Variants in PAGE2B observed in about 807,000 individuals in gnomAD.
PAGE2B encodes the protein PAGE family member 2B.
In PAGE2B, 5 loss-of-function variants were observed where a neutral mutation model predicts 7.6. That is an observed-to-expected ratio of 0.66 (90% CI 0.34 to 1.38). The LOEUF is 1.38. Among genes scored for constraint, PAGE2B ranks in the 40% most tolerant of loss-of-function variants. The pLI is 0.04. For synonymous variants in PAGE2B, 29 were observed against 26.7 expected (o/e 1.09, Z -0.27); for missense variants, 70 against 78.4 (o/e 0.89, Z 0.41).
At chrX:55,050,610 A>G in the PAGE2B span, among the ~76,000 whole-genome samples, 1 of 110,797 alleles carries the variant, frequency 9.0e-6, no homozygotes, top group Non-Finnish European at 1.9e-5. Flanking sequence ...AATCTGTTTT[A>G]TCAGAGACTA....
chrX:55,062,553 G>A, the PAGE2B span, among the ~76,000 whole-genome samples: 3 of 111,326 alleles, frequency 2.7e-5, no homozygotes, highest in South Asian at 3.8e-4. Context: ...GTGGGTTGCC[G>A]CTTCACTTTG....
chrX:55,043,134 G>A, the PAGE2B span, among the ~76,000 whole-genome samples: 3 of 111,165 alleles, frequency 2.7e-5, no homozygotes, highest in Admixed American at 9.6e-5. Context: ...AATAATTGGC[G>A]AGCCACATGT....
chrX:55,044,263 G>T, the PAGE2B span, among the ~76,000 whole-genome samples: 1 of 111,399 alleles, frequency 9.0e-6, no homozygotes, highest in Non-Finnish European at 1.9e-5. Flanking sequence ...AGAAAATGTG[G>T]TGTATACACA....
chrX:55,046,104 A>G, the PAGE2B span, among the ~76,000 whole-genome samples: 1 of 110,789 alleles, frequency 9.0e-6, no homozygotes, highest in East Asian at 2.8e-4. Context: ...TTTTATTTTT[A>G]TTTATTTTAT....
At chrX:55,063,825 G>A in the PAGE2B span, among the ~76,000 whole-genome samples, 86 of 110,829 alleles carry the variant, frequency 7.8e-4, no homozygotes, top group African/African-American at 2.6e-3. Flanking sequence ...TATGGTTTTC[G>A]GCCTTCATTC....
chrX:55,055,933 C>T, the PAGE2B span: 1 of 111,206 alleles, frequency 9.0e-6, no homozygotes, highest in East Asian at 2.8e-4. Context: ...TCAGCTTTAC[C>T]TCAAGATAAT....
At chrX:55,053,351 C>T in the PAGE2B span, among the ~76,000 whole-genome samples, 1 of 111,339 alleles carries the variant, frequency 9.0e-6, no homozygotes, top group Admixed American at 9.6e-5. Flanking sequence ...AGGGGAACAA[C>T]ACACACTGGG....
chrX:55,066,181 C>T, the PAGE2B span, among the ~76,000 whole-genome samples: 1 of 112,073 alleles, frequency 8.9e-6, no homozygotes, highest in Admixed American at 9.5e-5. Context: ...ACCTCCACCT[C>T]CCAGATTCAA....
the PAGE2B span, among the ~76,000 whole-genome samples, chrX:55,050,435 G>A: frequency 9.2e-6 from 1 of 108,331 alleles, no homozygotes; most frequent in Non-Finnish European, 1.9e-5. Context: ...ATTATTGTGT[G>A]GGAGTCTAAG....
chrX:55,051,828 C>A, the PAGE2B span, among the ~76,000 whole-genome samples: 1 of 112,182 alleles, frequency 8.9e-6, no homozygotes, highest in Non-Finnish European at 1.9e-5. Flanking sequence ...CATTCTCCAT[C>A]CAGCTTTGTT....
the PAGE2B span, among the ~76,000 whole-genome samples, chrX:55,062,343 T>C: frequency 4.5e-4 from 51 of 112,150 alleles, 1 homozygote; most frequent in East Asian, 0.013. Flanking sequence ...ATTTCTCTGA[T>C]GATCAATTAT....
chrX:55,059,992 C>A, the PAGE2B span, among the ~76,000 whole-genome samples: 1 of 110,725 alleles, frequency 9.0e-6, no homozygotes, highest in Non-Finnish European at 1.9e-5. Flanking sequence ...TGTGTGTGCC[C>A]GTCTCTGTGT....
At chrX:55,065,440 C>T in the PAGE2B span, among the ~76,000 whole-genome samples, 1 of 111,425 alleles carries the variant, frequency 9.0e-6, no homozygotes, top group Non-Finnish European at 1.9e-5. Context: ...TTACGTGTGT[C>T]TTTATAGGTA....
chrX:55,051,427 C>T, the PAGE2B span, among the ~76,000 whole-genome samples: 598 of 112,278 alleles, frequency 5.3e-3, 1 homozygote, highest in African/African-American at 0.018. Flanking sequence ...TCCACTCTCC[C>T]TGTCACTTTC....
chrX:55,029,193 G>T, the PAGE2B span, among the ~76,000 whole-genome samples: 2 of 112,046 alleles, frequency 1.8e-5, no homozygotes. Context: ...GGTTTGGGAA[G>T]CTAGAGAATT....
At chrX:55,076,005 T>C in intron 1 of PAGE2B, 29 bp from the exon 2 acceptor site, 1 of 1,168,177 alleles carries the variant, frequency 8.6e-7, no homozygotes, top group Middle Eastern at 2.4e-4. Context: ...CTTATACACT[T>C]TTTCCAAATA....
At chrX:55,052,933 G>T in the PAGE2B span, among the ~76,000 whole-genome samples, 1 of 112,540 alleles carries the variant, frequency 8.9e-6, no homozygotes, top group South Asian at 3.6e-4. Context: ...GGCCATCTTG[G>T]CTCCACCACA....
At chrX:55,046,406 G>T in the PAGE2B span, among the ~76,000 whole-genome samples, 1 of 111,964 alleles carries the variant, frequency 8.9e-6, no homozygotes, top group African/African-American at 3.2e-5. Flanking sequence ...GAGCCACTAC[G>T]CCTGGCCCTG....
At chrX:55,072,890 C>T (rs1936463699), upstream of PAGE2B, among the ~76,000 whole-genome samples, 1 of 111,573 alleles carries the variant, frequency 9.0e-6, no homozygotes, top group Non-Finnish European at 1.9e-5. Context: ...CTTCTCAAGC[C>T]TCAGTAATAG....
Sources: allele counts gnomAD v4.1 joint callset (sites outside exome capture counted in the v4.1 genomes callset), GRCh38; gene constraint gnomAD v4.1.1; transcripts MANE v1.5; gene names NCBI Gene and HGNC (gene_info 2026-07-23, HGNC 2026-07-21).